EXOC6B: variants seen among roughly 807,000 people sequenced by gnomAD.
EXOC6B encodes the protein exocyst complex component 6B, also known as SEC15 homolog B.
In EXOC6B, 54 loss-of-function variants were observed where a neutral mutation model predicts 113.5. The observed-to-expected ratio is 0.48, with a 90% CI of 0.38 to 0.60. The LOEUF (loss-of-function observed/expected upper bound fraction) is 0.60, where lower values mean the gene tolerates loss of function less well. Ranked by LOEUF, EXOC6B falls within the 20% of genes least tolerant of loss-of-function variation. The pLI is 0.00. For synonymous variants in EXOC6B, 357 were observed against 339.0 expected (o/e 1.05, Z -0.58); for missense variants, 797 against 977.5 (o/e 0.82, Z 2.46).
chr2:72,678,011 T>C (rs1573608214), intron 6 of EXOC6B, among the ~76,000 whole-genome samples: 2 of 151,602 alleles, frequency 1.3e-5, no homozygotes, highest in East Asian at 3.9e-4. Flanking sequence ...TAGATTTAAT[T>C]AAAAAAAAAT....
At chr2:72,697,564 G>A (rs1677984599) in intron 6 of EXOC6B, among the ~76,000 whole-genome samples, 3 of 151,954 alleles carry the variant, frequency 2.0e-5, no homozygotes, top group African/African-American at 7.3e-5. Flanking sequence ...CATGCCTGTG[G>A]TTCCAGCTAC....
intron 2 of EXOC6B, 137 bp from the exon 3 acceptor site, chr2:72,733,255 G>A: frequency 1.5e-6 from 1 of 659,282 alleles, no homozygotes; most frequent in South Asian, 1.8e-5. Context: ...TGGTCCAGTG[G>A]CATTCTCTTG....
intron 1 of EXOC6B, among the ~76,000 whole-genome samples, chr2:72,757,821 T>G (rs987535310): frequency 6.6e-6 from 1 of 152,170 alleles, no homozygotes; most frequent in Non-Finnish European, 1.5e-5. Context: ...CTTTTCCATA[T>G]TCTAACTTCC....
chr2:72,386,212 CAAAA>C (rs199615544), intron 18 of EXOC6B, among the ~76,000 whole-genome samples: 1 of 138,570 alleles, frequency 7.2e-6, no homozygotes, highest in South Asian at 2.3e-4. Context: ...TAGGCATGAG[CAAAA>C]AAAAAAATGA....
rs1677740571 is a variant in EXOC6B at position 72,176,438 on chromosome 2, GC to G, written c.*2896del. 1 of 152,298 alleles carries G rather than the reference GC, an allele frequency of 6.6e-6. No individual in the cohort carries two copies. Among genetic ancestry groups the G allele is most frequent in the Non-Finnish European group, 1.5e-5 (1 of 68,124 alleles). The allele number at this position is 152,298 out of a possible 1,614,324, so 9.4% of individuals were successfully genotyped here. On this transcript the variant is annotated 3_prime_UTR_variant, in exon 22 of 22. Coordinates refer to ENST00000272427, the MANE Select transcript of EXOC6B (RefSeq NM_015189.3). ...CAAAGCCAGTCTTGGGAGATAAAAG[GC>G]CGTGGGTCTGGGACTTGCTGAGTAA...
intron 20 of EXOC6B, among the ~76,000 whole-genome samples, chr2:72,265,396 C>A (rs1366421099): frequency 7.3e-6 from 1 of 137,444 alleles, no homozygotes; most frequent in Admixed American, 7.3e-5. Flanking sequence ...AATGCTATCC[C>A]TCCCCCCTCC....
intron 18 of EXOC6B, among the ~76,000 whole-genome samples, chr2:72,435,427 G>A (rs565140605): frequency 8.5e-4 from 130 of 152,232 alleles, no homozygotes; most frequent in African/African-American, 2.9e-3. Flanking sequence ...AGGTCTGCTC[G>A]GTCCAGAGCT....
chr2:72,707,501 C>T (rs1678963930), intron 6 of EXOC6B, among the ~76,000 whole-genome samples: 1 of 151,710 alleles, frequency 6.6e-6, no homozygotes, highest in Admixed American at 6.6e-5. Flanking sequence ...GCAACCTCCG[C>T]CTCCCAGGTT....
intron 18 of EXOC6B, among the ~76,000 whole-genome samples, chr2:72,444,361 T>C (rs945989015): frequency 2.0e-5 from 3 of 152,236 alleles, no homozygotes; most frequent in African/African-American, 7.2e-5. Context: ...GAGTGTCTTG[T>C]GGCTTTTCCA....
chr2:72,576,374 G>T (rs1322578551), intron 6 of EXOC6B, among the ~76,000 whole-genome samples: 2 of 152,026 alleles, frequency 1.3e-5, no homozygotes, highest in African/African-American at 4.8e-5. Flanking sequence ...ATGGTGGCAT[G>T]GTTTCAATAG....
intron 20 of EXOC6B, among the ~76,000 whole-genome samples, chr2:72,191,098 A>G (rs1678802866): frequency 6.6e-6 from 1 of 152,244 alleles, no homozygotes; most frequent in Admixed American, 6.5e-5. Flanking sequence ...TAGGTTAATT[A>G]AAATGGTAAA....
chr2:72,323,092 G>C (rs1687927948), intron 20 of EXOC6B, among the ~76,000 whole-genome samples: 1 of 151,960 alleles, frequency 6.6e-6, no homozygotes, highest in East Asian at 1.9e-4. Context: ...ATCTATCCCT[G>C]ACAAAGCACT....
intron 18 of EXOC6B, among the ~76,000 whole-genome samples, chr2:72,418,995 G>A (rs1694704244): frequency 1.3e-5 from 2 of 151,632 alleles, no homozygotes; most frequent in South Asian, 4.2e-4. Context: ...TATTTTCTTT[G>A]TGGTTATAAT....
intron 20 of EXOC6B, among the ~76,000 whole-genome samples, chr2:72,291,183 T>G (rs2104711030): frequency 6.6e-6 from 1 of 152,316 alleles, no homozygotes; most frequent in South Asian, 2.1e-4. Flanking sequence ...ATTTTTAGTT[T>G]GTGGCAGAGT....
intron 20 of EXOC6B, among the ~76,000 whole-genome samples, chr2:72,301,640 G>A (rs973790830): frequency 5.3e-5 from 8 of 152,160 alleles, no homozygotes; most frequent in African/African-American, 1.9e-4. Context: ...ACATACAGGT[G>A]TTCGTAGTAG....
chr2:72,387,888 A>G (rs541013574), intron 18 of EXOC6B, among the ~76,000 whole-genome samples: 4 of 151,744 alleles, frequency 2.6e-5, no homozygotes, highest in African/African-American at 9.7e-5. Flanking sequence ...TTCTTTTTTT[A>G]GCTTCATAAG....
At chr2:72,186,700 T>C (rs1678455332) in intron 20 of EXOC6B, among the ~76,000 whole-genome samples, 1 of 152,250 alleles carries the variant, frequency 6.6e-6, no homozygotes, top group Non-Finnish European at 1.5e-5. Context: ...GTAATAAAAC[T>C]ACCTTCTTTT....
chr2:72,348,131 T>C lies in EXOC6B; in HGVS notation c.2123-13111A>G, dbSNP rs558468354. On this transcript the variant is annotated intron_variant, in intron 19 of 21. Transcript: ENST00000272427. Reference sequence around the variant, plus strand: ...GTGTCTAGTCGGACCTGCGTTCTGGTTTATAGATAACACCTGCTTATTGTA... The same window carrying C: ...GTGTCTAGTCGGACCTGCGTTCTGGCTTATAGATAACACCTGCTTATTGTA... Among the ~76,000 whole-genome samples, 4 of 152,216 alleles carry C rather than the reference T, an allele frequency of 2.6e-5. No homozygotes were observed. In the South Asian group the frequency reaches 8.3e-4, roughly 32 times the overall value.
chr2:72,452,327 A>G (rs922902090), intron 18 of EXOC6B, among the ~76,000 whole-genome samples: 2 of 152,232 alleles, frequency 1.3e-5, no homozygotes, highest in Admixed American at 1.3e-4. Flanking sequence ...TATTTACTCA[A>G]TGCTGGCCAT....
Sources: gnomAD v4.1 joint callset for allele counts (sites outside exome capture counted in the v4.1 genomes callset) on GRCh38, gnomAD v4.1.1 for gene constraint, MANE v1.5 for transcripts, NCBI Gene and HGNC (gene_info 2026-07-23, HGNC 2026-07-21) for gene names.